The following GNPTAB variants were observed in gnomAD, a reference collection of about 807,000 sequenced individuals.
The protein encoded by GNPTAB is N-acetylglucosamine-1-phosphotransferase subunits alpha/beta.
A neutral mutation model predicts 136.6 loss-of-function variants in GNPTAB; 92 were observed. The observed-to-expected ratio is 0.67, with a 90% confidence interval of 0.57 to 0.80. The LOEUF (loss-of-function observed/expected upper bound fraction) is 0.80. Among genes scored for constraint, GNPTAB ranks in the 30% least tolerant of loss-of-function variants. The probability of loss-of-function intolerance (pLI) is 0.00; values close to 1 mark genes in which losing one functional copy is unlikely to be tolerated. For missense variants in GNPTAB, 1,343 were observed against 1,501.8 expected (o/e 0.89, Z 1.75); for synonymous variants, 512 against 535.1 (o/e 0.96, Z 0.60).
intron 1 of GNPTAB, among the ~76,000 whole-genome samples, chr12:101,820,661 C>T (rs1201512747): frequency 6.6e-6 from 1 of 152,202 alleles, no homozygotes; most frequent in Non-Finnish European, 1.5e-5. Context: ...GGCAAAATCA[C>T]ACCTAGCTAA....
intron 1 of GNPTAB, among the ~76,000 whole-genome samples, chr12:101,824,684 T>G (rs1267505693): frequency 1.3e-5 from 2 of 151,426 alleles, no homozygotes; most frequent in Non-Finnish European, 2.9e-5. Context: ...CCAGGCTGCT[T>G]TCGAACTCGC....
chr12:101,792,476 C>A (rs374299615), intron 2 of GNPTAB, among the ~76,000 whole-genome samples: 2 of 152,324 alleles, frequency 1.3e-5, no homozygotes, highest in East Asian at 1.9e-4. Flanking sequence ...GGTCTAAAGT[C>A]TTTCATAATC....
chr12:101,780,462 A>G, intron 6 of GNPTAB, 95 bp downstream of exon 6: 1 of 1,108,260 alleles, frequency 9.0e-7, no homozygotes, highest in East Asian at 2.6e-5. Flanking sequence ...GATAAAAAAT[A>G]AACATTAAAA....
At chr12:101,789,859 ATATG>A in intron 3 of GNPTAB, 75 bp downstream of exon 3, 1 of 1,310,512 alleles carries the variant, frequency 7.6e-7, no homozygotes, top group Non-Finnish European at 1.1e-6. Flanking sequence ...TTTCATGCTC[ATATG>A]TGAGATGTGC....
At chr12:101,772,994 AT>A (rs1953202298) in intron 7 of GNPTAB, 1 of 164,580 alleles carries the variant, frequency 6.1e-6, no homozygotes, top group Non-Finnish European at 1.3e-5. Context: ...TATTTTTTGT[AT>A]TTTTAGTAGA....
chr12:101,780,141 T>C lies in GNPTAB; in HGVS notation c.771+11A>G. The C allele has an allele frequency of 6.2e-7, 1 of 1,612,046 alleles. No individual in the cohort carries two copies. Among genetic ancestry groups the C allele is most frequent in the African/African-American group, 1.3e-5 (1 of 75,024 alleles). ...GTGCCAGGCTAATTGCTCTATTTTCTATGTTCTTACCAGTTTGACTTTAGA... is the reference window on the plus strand; with the variant it reads ...GTGCCAGGCTAATTGCTCTATTTTCCATGTTCTTACCAGTTTGACTTTAGA... On this transcript the variant is annotated intron_variant, in intron 7 of 20. Transcript: ENST00000299314.
intron 20 of GNPTAB, among the ~76,000 whole-genome samples, chr12:101,748,881 AAAG>A (rs759718306): frequency 1.3e-5 from 2 of 152,266 alleles, no homozygotes; most frequent in South Asian, 2.1e-4. Context: ...TTCCAGATAA[AAAG>A]AATACTGGTA....
At position 101,796,342 on chromosome 12, in the gene GNPTAB, T is replaced by C. The variant is rs910127200; in HGVS notation, c.203+335A>G. ...GTGGGATTACTCTCTGTGAATCAGA[T>C]TTTTCACCCACAAAATGTGGTGAAC... On this transcript the variant is annotated intron_variant, in intron 2 of 20. Coordinates refer to ENST00000299314, the MANE Select transcript of GNPTAB (RefSeq NM_024312.5). The C allele has an allele frequency of 7.2e-6, 5 of 697,148 alleles. No homozygotes were observed. In the African/African-American group the frequency reaches 8.8e-5, roughly 12 times the overall value. 43.2% of individuals were successfully genotyped at this position (697,148 alleles called of 1,614,324 possible). A position where few individuals can be genotyped will look rare whatever the true frequency, so the allele number is the denominator to read the frequency against.
intron 1 of GNPTAB, among the ~76,000 whole-genome samples, chr12:101,808,477 G>C (rs565103372): frequency 1.4e-4 from 21 of 152,104 alleles, no homozygotes; most frequent in Non-Finnish European, 2.1e-4. Flanking sequence ...AGGAGGTGGA[G>C]GCTATAGTGA....
intron 4 of GNPTAB, among the ~76,000 whole-genome samples, chr12:101,787,222 G>T (rs1160709661): frequency 1.3e-5 from 2 of 152,094 alleles, no homozygotes; most frequent in African/African-American, 4.8e-5. Flanking sequence ...ATGAAATATT[G>T]ACAATAGTGA....
chr12:101,766,042 T>A (rs1566075139), intron 12 of GNPTAB, 49 bp downstream of exon 12: 1 of 1,480,294 alleles, frequency 6.8e-7, no homozygotes, highest in Non-Finnish European at 9.4e-7. Context: ...TCTCTACCTG[T>A]CAAGGATGTT....
At chr12:101,762,402 G>A (rs1037315466) in intron 13 of GNPTAB, among the ~76,000 whole-genome samples, 2 of 152,164 alleles carry the variant, frequency 1.3e-5, no homozygotes, top group Non-Finnish European at 2.9e-5. Flanking sequence ...GTTGTATACT[G>A]TTTGTGGAAA....
chr12:101,818,996 G>A (rs1480220443), intron 1 of GNPTAB, among the ~76,000 whole-genome samples: 1 of 151,782 alleles, frequency 6.6e-6, no homozygotes, highest in Non-Finnish European at 1.5e-5. Flanking sequence ...GGAACTGCAA[G>A]TACATTAAAA....
chr12:101,803,505 T>G (rs1240763492), intron 1 of GNPTAB, among the ~76,000 whole-genome samples: 5 of 152,234 alleles, frequency 3.3e-5, no homozygotes, highest in Non-Finnish European at 7.3e-5. Context: ...AGGAATGATT[T>G]CTTCTCTTCA....
At chr12:101,826,950 GTTTTTTTTTTTTTTTTTT>G (rs902178707) in intron 1 of GNPTAB, among the ~76,000 whole-genome samples, 10 of 62,350 alleles carry the variant, frequency 1.6e-4, no homozygotes, top group African/African-American at 7.0e-4. Flanking sequence ...TGTGGGAGTT[GTTTTTTTTTTTTTTTTTT>G]TTTTTTTTTT....
intron 4 of GNPTAB, among the ~76,000 whole-genome samples, chr12:101,786,831 A>G (rs1267172244): frequency 6.6e-6 from 1 of 152,258 alleles, no homozygotes; most frequent in Non-Finnish European, 1.5e-5. Flanking sequence ...GTTAAACAGT[A>G]TAAAAAATTG....
chr12:101,761,842 T>C, intron 13 of GNPTAB, 79 bp from the exon 14 acceptor site: 1 of 1,072,394 alleles, frequency 9.3e-7, no homozygotes, highest in Non-Finnish European at 1.4e-6. Flanking sequence ...TTTTATATAA[T>C]GTGGTAATAA....
intron 1 of GNPTAB, among the ~76,000 whole-genome samples, chr12:101,797,907 G>A (rs1485999022): frequency 2.0e-5 from 3 of 152,048 alleles, no homozygotes; most frequent in African/African-American, 7.2e-5. Flanking sequence ...GTGTTCTCAA[G>A]ACCTTGCCTC....
At chr12:101,817,606 A>G (rs908665514) in intron 1 of GNPTAB, among the ~76,000 whole-genome samples, 14 of 152,110 alleles carry the variant, frequency 9.2e-5, no homozygotes, top group Non-Finnish European at 1.9e-4. Flanking sequence ...AAAATATCAC[A>G]TGTACTCCAT....
Sources: gnomAD v4.1 joint callset for allele counts (sites outside exome capture counted in the v4.1 genomes callset) on GRCh38, gnomAD v4.1.1 for gene constraint, MANE v1.5 for transcripts, NCBI Gene and HGNC (gene_info 2026-07-23, HGNC 2026-07-21) for gene names.